The following RPAP2 variants were observed in gnomAD, a reference collection of about 807,000 sequenced individuals.
RPAP2 encodes putative RNA polymerase II subunit B1 CTD phosphatase RPAP2.
A neutral mutation model predicts 73.1 loss-of-function variants in RPAP2; 52 were observed. The ratio of observed to expected loss-of-function variants is 0.71; its 90% confidence interval spans 0.57 to 0.90. The LOEUF (loss-of-function observed/expected upper bound fraction) is 0.90. Among genes scored for constraint, RPAP2 ranks in the 40% least tolerant of loss-of-function variants. The pLI is 0.00. For missense variants in RPAP2, 598 were observed against 701.8 expected, an observed-to-expected ratio of 0.85 and a Z score of 1.67; for synonymous variants, 225 against 242.1, an observed-to-expected ratio of 0.93 and a Z score of 0.65.
chr1:92,339,018 TGAG>T (rs1185847728), intron 10 of RPAP2, among the ~76,000 whole-genome samples: 1 of 152,212 alleles, frequency 6.6e-6, no homozygotes, highest in African/African-American at 2.4e-5. Context: ...TCAGAAAAGA[TGAG>T]AATAAGCCCT....
chr1:92,304,217 A>G, intron 4 of RPAP2, 67 bp from the exon 5 acceptor site: 1 of 1,208,824 alleles, frequency 8.3e-7, no homozygotes, highest in Non-Finnish European at 1.2e-6. Flanking sequence ...AGATGACTTA[A>G]TCTTGTAACA....
chr1:92,370,131 C>T (rs532346361), intron 11 of RPAP2, among the ~76,000 whole-genome samples: 2 of 152,280 alleles, frequency 1.3e-5, no homozygotes, highest in South Asian at 4.1e-4. Context: ...GTGATCCGCC[C>T]GCATCAGCCT....
At position 92,400,883 on chromosome 1, in the gene RPAP2, A is replaced by G. The variant is rs1467819689; in HGVS notation, c.*13872A>G. On this transcript the variant is annotated 3_prime_UTR_variant, in exon 13 of 13. Transcript: ENST00000610020. The stretch of plus-strand genomic sequence containing the variant: ...AAATACCCCAGACTGGGTAATTTAT[A>G]AAGGAAAGAGTTTTAATTGACTCAC... 6.6e-6 allele frequency: 1 copy of G among 152,278 alleles called. No homozygotes were observed. Among genetic ancestry groups the G allele is most frequent in the Non-Finnish European group, 1.5e-5 (1 of 68,104 alleles). The allele number at this position is 152,278 out of a possible 1,614,324, so 9.4% of individuals were successfully genotyped here.
intron 11 of RPAP2, among the ~76,000 whole-genome samples, chr1:92,346,707 T>C (rs962886670): frequency 6.6e-6 from 1 of 152,192 alleles, no homozygotes; most frequent in Non-Finnish European, 1.5e-5. Flanking sequence ...AGATGCTTAC[T>C]ACAAAAGCAT....
intron 11 of RPAP2, among the ~76,000 whole-genome samples, chr1:92,379,952 T>C (rs571838307): frequency 6.7e-6 from 1 of 150,058 alleles, no homozygotes; most frequent in South Asian, 2.1e-4. Flanking sequence ...ATAATAATAA[T>C]ATAAATAAAT....
chr1:92,311,828 AAAT>A (rs1651610930), intron 6 of RPAP2, among the ~76,000 whole-genome samples: 1 of 152,232 alleles, frequency 6.6e-6, no homozygotes. Context: ...TATCTTTAAA[AAAT>A]AATGTACATA....
chr1:92,312,688 A>T (rs1466394133), intron 6 of RPAP2, among the ~76,000 whole-genome samples: 1 of 152,158 alleles, frequency 6.6e-6, no homozygotes, highest in African/African-American at 2.4e-5. Flanking sequence ...CACCATATCC[A>T]TAGTGACTAC....
intron 11 of RPAP2, among the ~76,000 whole-genome samples, chr1:92,349,829 G>C (rs1183601752): frequency 6.6e-6 from 1 of 152,156 alleles, no homozygotes; most frequent in Non-Finnish European, 1.5e-5. Context: ...TAGGGAAGCT[G>C]TGGTGGGAGG....
intron 8 of RPAP2, among the ~76,000 whole-genome samples, chr1:92,326,368 G>T (rs1233888010): frequency 6.6e-6 from 1 of 152,194 alleles, no homozygotes; most frequent in Non-Finnish European, 1.5e-5. Flanking sequence ...GAGATGGCAG[G>T]GGGGTGAAAT....
At chr1:92,339,287 T>A (rs1653464004) in intron 10 of RPAP2, among the ~76,000 whole-genome samples, 1 of 152,042 alleles carries the variant, frequency 6.6e-6, no homozygotes, top group Non-Finnish European at 1.5e-5. Context: ...AGGGAGCCTT[T>A]AAAAATTGCC....
chr1:92,372,122 T>A (rs1326877503), intron 11 of RPAP2, among the ~76,000 whole-genome samples: 1 of 152,176 alleles, frequency 6.6e-6, no homozygotes. Context: ...ATATATGCAA[T>A]TTTTATTTGC....
chr1:92,302,987 C>T (rs529948641), intron 3 of RPAP2, among the ~76,000 whole-genome samples: 283 of 152,106 alleles, frequency 1.9e-3, no homozygotes, highest in African/African-American at 6.4e-3. Flanking sequence ...TCGCTTGAGC[C>T]CAGGAGTTTG....
At position 92,369,176 on chromosome 1, in the gene RPAP2, T is replaced by A. The variant is rs376242815; in HGVS notation, c.1689-11548T>A. On this transcript the variant is annotated intron_variant, in intron 11 of 12. Coordinates refer to ENST00000610020, the MANE Select transcript of RPAP2 (RefSeq NM_024813.3). ...TCACATTCTCTGCTGATTATTTTAA[T>A]AAGTATTTCCTGCATAAAACACATT... 1.1e-3 allele frequency among the ~76,000 whole-genome samples: 162 copies of A among 152,354 alleles called. 2 individuals are homozygous for A. In the South Asian group the frequency reaches 0.012, roughly 11 times the overall value.
intron 8 of RPAP2, among the ~76,000 whole-genome samples, chr1:92,327,020 GGT>G (rs1172754917): frequency 7.9e-5 from 12 of 152,328 alleles, no homozygotes; most frequent in Admixed American, 5.2e-4. Context: ...CCTATCATAT[GGT>G]CTATCTCGGA....
intron 12 of RPAP2, among the ~76,000 whole-genome samples, chr1:92,385,277 T>G (rs1045416032): frequency 6.6e-6 from 1 of 152,048 alleles, no homozygotes; most frequent in African/African-American, 2.4e-5. Flanking sequence ...CAATTAAAAA[T>G]CATTTTAACT....
chr1:92,366,014 T>C (rs1654920713), intron 11 of RPAP2, among the ~76,000 whole-genome samples: 1 of 152,220 alleles, frequency 6.6e-6, no homozygotes, highest in Non-Finnish European at 1.5e-5. Context: ...GAAATCACGA[T>C]AGCTTCTTAG....
At chr1:92,381,763 T>A (rs1208504099) in intron 12 of RPAP2, among the ~76,000 whole-genome samples, 2 of 140,916 alleles carry the variant, frequency 1.4e-5, no homozygotes, top group Non-Finnish European at 3.0e-5. Flanking sequence ...TATTTTATTA[T>A]TTTTTTTAAT....
intron 11 of RPAP2, among the ~76,000 whole-genome samples, chr1:92,361,158 C>T (rs1410615512): frequency 9.3e-5 from 14 of 151,188 alleles, no homozygotes; most frequent in African/African-American, 3.2e-4. Context: ...CACACACACA[C>T]GTAAGTTTCT....
chr1:92,380,946 T>C lies in RPAP2; in HGVS notation c.1838+73T>C, dbSNP rs935091380. 8.3e-6 allele frequency: 11 copies of C among 1,319,088 alleles called. No individual in the cohort carries two copies. In the Admixed American group the frequency reaches 2.8e-4, roughly 33 times the overall value. 81.7% of individuals were successfully genotyped at this position (1,319,088 alleles called of 1,614,324 possible). A position where few individuals can be genotyped will look rare whatever the true frequency, so the allele number is the denominator to read the frequency against. On this transcript the variant is annotated intron_variant, in intron 12 of 12. Coordinates refer to ENST00000610020, the MANE Select transcript of RPAP2 (RefSeq NM_024813.3). The stretch of plus-strand genomic sequence containing the variant: ...CTATGTGGATTCTTTTTTTTTTTAA[T>C]TGGAAATTGTAAAAACCAAGTACAG...
Sources: allele counts gnomAD v4.1 joint callset (sites outside exome capture counted in the v4.1 genomes callset), GRCh38; gene constraint gnomAD v4.1.1; transcripts MANE v1.5; gene names NCBI Gene and HGNC (gene_info 2026-07-23, HGNC 2026-07-21).